WDPCP: variants seen among roughly 807,000 people sequenced by gnomAD.
WDPCP encodes WD repeat-containing and planar cell polarity effector protein fritz homolog.
Under a neutral mutation model 93.1 loss-of-function variants are expected in WDPCP, and 71 were observed. That is an observed-to-expected ratio of 0.76 (90% CI 0.63 to 0.93). WDPCP has a LOEUF of 0.93. Ranked by LOEUF, WDPCP falls within the 40% of genes least tolerant of loss-of-function variation. The probability of loss-of-function intolerance (pLI) is 0.00; values close to 1 mark genes in which losing one functional copy is unlikely to be tolerated. For missense variants in WDPCP, 844 were observed against 887.4 expected, an observed-to-expected ratio of 0.95 and a Z score of 0.62; for synonymous variants, 315 against 315.0, an observed-to-expected ratio of 1.00 and a Z score of 0.00.
intron 13 of WDPCP, among the ~76,000 whole-genome samples, chr2:63,271,402 T>A (rs1481815585): frequency 6.6e-6 from 1 of 152,208 alleles, no homozygotes; most frequent in Non-Finnish European, 1.5e-5. Flanking sequence ...TGCCACAGCC[T>A]GTGGTTGAGT....
At chr2:63,262,685 T>C (rs1382201385) in intron 13 of WDPCP, among the ~76,000 whole-genome samples, 1 of 152,160 alleles carries the variant, frequency 6.6e-6, no homozygotes, top group East Asian at 1.9e-4. Context: ...TCTGGAACAT[T>C]TTCTGTCTCT....
the WDPCP span, among the ~76,000 whole-genome samples, chr2:63,840,193 C>T: frequency 6.6e-6 from 1 of 152,206 alleles, no homozygotes. Flanking sequence ...CTGAAATGCA[C>T]TCGCTGCCAG....
intron 2 of WDPCP, among the ~76,000 whole-genome samples, chr2:63,739,316 CA>C (rs1158673496): frequency 1.3e-5 from 2 of 152,068 alleles, no homozygotes; most frequent in African/African-American, 4.8e-5. Flanking sequence ...CTGAGGATAA[CA>C]GCCTCCAGCT....
intron 13 of WDPCP, among the ~76,000 whole-genome samples, chr2:63,267,411 C>T (rs961576261): frequency 6.6e-6 from 1 of 152,086 alleles, no homozygotes; most frequent in African/African-American, 2.4e-5. Flanking sequence ...AAAAACTCCT[C>T]AACATTTGCC....
chr2:63,606,361 G>A (rs1051720679), intron 3 of WDPCP, among the ~76,000 whole-genome samples: 2 of 152,160 alleles, frequency 1.3e-5, no homozygotes, highest in African/African-American at 2.4e-5. Flanking sequence ...GCAACAGAAC[G>A]GGACCCTGTC....
intron 2 of WDPCP, among the ~76,000 whole-genome samples, chr2:63,779,261 T>C (rs769357020): frequency 2.0e-5 from 3 of 152,164 alleles, no homozygotes; most frequent in Non-Finnish European, 4.4e-5. Flanking sequence ...ACTGTGAAAA[T>C]GCTGGAACTG....
chr2:63,770,833 C>A (rs1670213831), intron 2 of WDPCP, among the ~76,000 whole-genome samples: 1 of 151,852 alleles, frequency 6.6e-6, no homozygotes, highest in African/African-American at 2.4e-5. Flanking sequence ...CTCCAACTGT[C>A]TTCGATTAAG....
At chr2:63,593,325 C>T, upstream of WDPCP, 1 of 281,576 alleles carries the variant, frequency 3.6e-6, no homozygotes, top group Non-Finnish European at 7.2e-6. Flanking sequence ...AACTCCCAAC[C>T]TCAGGTGATC....
chr2:63,588,047 T>C, intron 1 of WDPCP, 150 bp downstream of exon 1: 1 of 950,704 alleles, frequency 1.1e-6, no homozygotes, highest in South Asian at 1.5e-5. Context: ...AATAGCTGCA[T>C]TCCCACAGCC....
intron 12 of WDPCP, among the ~76,000 whole-genome samples, chr2:63,345,180 T>C (rs1037739038): frequency 6.6e-6 from 1 of 152,192 alleles, no homozygotes; most frequent in African/African-American, 2.4e-5. Flanking sequence ...TCCAATTTCC[T>C]ATTACACAGA....
At chr2:63,762,366 A>G (rs1186764217) in intron 2 of WDPCP, among the ~76,000 whole-genome samples, 1 of 152,190 alleles carries the variant, frequency 6.6e-6, no homozygotes, top group Non-Finnish European at 1.5e-5. Context: ...CTAACACGAA[A>G]TAACATTTGT....
chr2:63,458,290 T>C (rs952451413), intron 6 of WDPCP, among the ~76,000 whole-genome samples: 4 of 151,154 alleles, frequency 2.6e-5, no homozygotes, highest in African/African-American at 7.3e-5. Context: ...CTGTCCCTCT[T>C]TGCAGATGAC....
chr2:63,184,324 T>C (rs1409256319), intron 14 of WDPCP, among the ~76,000 whole-genome samples: 1 of 152,170 alleles, frequency 6.6e-6, no homozygotes, highest in African/African-American at 2.4e-5. Context: ...GTGAGTTTTA[T>C]AGTTTTGTGT....
upstream of WDPCP, among the ~76,000 whole-genome samples, chr2:63,830,285 T>A (rs1242557462): frequency 6.6e-6 from 1 of 152,122 alleles, no homozygotes; most frequent in Non-Finnish European, 1.5e-5. Flanking sequence ...TCAACAGATC[T>A]TTACTGGAAC....
intron 13 of WDPCP, among the ~76,000 whole-genome samples, chr2:63,296,555 C>G (rs1254656854): frequency 6.6e-6 from 1 of 152,166 alleles, no homozygotes; most frequent in Non-Finnish European, 1.5e-5. Flanking sequence ...CCTAAAGACT[C>G]CTCCAACAGA....
chr2:63,506,413 C>T (rs945385269), intron 1 of WDPCP, among the ~76,000 whole-genome samples: 1 of 151,730 alleles, frequency 6.6e-6, no homozygotes, highest in African/African-American at 2.4e-5. Flanking sequence ...GCACTCCCTC[C>T]CAAACTCTCA....
intron 14 of WDPCP, among the ~76,000 whole-genome samples, chr2:63,185,492 CTA>C (rs1381262398): frequency 6.6e-6 from 1 of 151,606 alleles, no homozygotes; most frequent in Non-Finnish European, 1.5e-5. Flanking sequence ...GTGGCAAAGA[CTA>C]TGTATGAATT....
At chr2:63,205,263 A>G (rs1287920228) in intron 14 of WDPCP, among the ~76,000 whole-genome samples, 2 of 152,154 alleles carry the variant, frequency 1.3e-5, no homozygotes, top group Non-Finnish European at 2.9e-5. Flanking sequence ...TATAATTTTA[A>G]GTAAGGTAAT....
At chr2:63,232,240 G>A (rs2421863) in intron 14 of WDPCP, among the ~76,000 whole-genome samples, 1 of 151,912 alleles carries the variant, frequency 6.6e-6, no homozygotes, top group African/African-American at 2.4e-5. Flanking sequence ...AGAAGCAAAC[G>A]TAGGAAATAC....
Sources: gnomAD v4.1 joint callset for allele counts (sites outside exome capture counted in the v4.1 genomes callset) on GRCh38, gnomAD v4.1.1 for gene constraint, MANE v1.5 for transcripts, NCBI Gene and HGNC (gene_info 2026-07-23, HGNC 2026-07-21) for gene names.